The following PGAM5 variants were observed in gnomAD, a reference collection of about 807,000 sequenced individuals.
The protein encoded by PGAM5 is PGAM family member 5, mitochondrial serine/threonine protein phosphatase.
In PGAM5, 25 loss-of-function variants were observed where a neutral mutation model predicts 30.6. The ratio of observed to expected loss-of-function variants is 0.82; its 90% confidence interval spans 0.60 to 1.14. The LOEUF (loss-of-function observed/expected upper bound fraction) is 1.14. Ranked by LOEUF, PGAM5 falls within the 50% of genes most tolerant of loss-of-function variation. The pLI, the probability that PGAM5 is intolerant of heterozygous loss-of-function variation, is 0.00. For missense variants in PGAM5, 384 were observed against 408.5 expected, an observed-to-expected ratio of 0.94 and a Z score of 0.52; for synonymous variants, 201 against 179.1, an observed-to-expected ratio of 1.12 and a Z score of -0.98.
intron 5 of PGAM5, among the ~76,000 whole-genome samples, chr12:132,719,512 C>T (rs532443517): frequency 6.6e-6 from 1 of 152,178 alleles, no homozygotes; most frequent in Admixed American, 6.5e-5. Context: ...GTGAGTCGTT[C>T]GTTGCCTCCT....
At position 132,714,994 on chromosome 12, in the gene PGAM5, G is replaced by A. The variant is rs375375757; in HGVS notation, c.328G>A (p.Val110Met). The A allele has an allele frequency of 4.5e-5, 72 of 1,613,174 alleles. No homozygotes were observed. Among genetic ancestry groups the A allele is most frequent in the South Asian group, 2.2e-4 (20 of 91,084 alleles). ...CCTCATCAGGCATTCCCAGTACCAC[G>A]TGGATGGCTCCCTGGAGAAGGACCG... is the stretch of plus-strand genomic sequence containing the variant. ...IFLIRHSQYH[V>M]DGSLEKDRTL... is the part of the protein sequence containing the mutation. Residue 110 changes from valine (V) to methionine (M), a missense_variant, in exon 2 of 6, where the codon GTG becomes ATG. Val to Met is a conservative substitution (Grantham distance 21, BLOSUM62 1). Coordinates refer to ENST00000498926, the MANE Select transcript of PGAM5 (RefSeq NM_001170543.2).
chr12:132,721,100 C>G lies in PGAM5; in HGVS notation c.*272C>G, dbSNP rs1227854959. ...CCTGTTGTGGGGACTTGAAAGAGGC[C>G]TGACCCAGACCACCATGTTCGCACC... On this transcript the variant is annotated 3_prime_UTR_variant, in exon 6 of 6. Coordinates refer to ENST00000498926, the MANE Select transcript of PGAM5 (RefSeq NM_001170543.2). 1 of 315,956 alleles carries G rather than the reference C, an allele frequency of 3.2e-6. No homozygotes were observed. Among genetic ancestry groups the G allele is most frequent in the Admixed American group, 4.7e-5 (1 of 21,430 alleles). 19.6% of individuals were successfully genotyped at this position (315,956 alleles called of 1,614,324 possible). A position where few individuals can be genotyped will look rare whatever the true frequency, so the allele number is the denominator to read the frequency against.
rs61978651 is a variant in PGAM5 at position 132,717,747 on chromosome 12, C to T, written c.534C>T (p.Gly178=). 0.076 allele frequency: 120,841 copies of T among 1,583,118 alleles called. 5,048 individuals are homozygous for T. The highest frequency in any genetic ancestry group is 0.11 in the East Asian group (4,688 of 43,166). ...CKVSTDLLRE[G]APIEPDPPVS... is the part of the protein sequence containing the mutation. ...TCAGCACAGATCTGCTGCGGGAAGG[C>T]GCCCCCATCGAGCCAGACCCGCCCG... is the stretch of plus-strand genomic sequence containing the variant. The change falls in exon 4 of 6, where the codon GGC becomes GGT. Residue 178 remains glycine (G), a synonymous_variant. Coordinates refer to ENST00000498926, the MANE Select transcript of PGAM5 (RefSeq NM_001170543.2).
In PGAM5 at chr12:132,717,787, C is replaced by A. The variant is rs748552292; in HGVS notation, c.574C>A (p.Pro192Thr). ...EPDPPVSHWKPEAVQYYEDGA... is the reference protein window; with the variant it reads ...EPDPPVSHWKTEAVQYYEDGA... Reference sequence around the variant, plus strand: ...AGACCCGCCCGTGTCTCATTGGAAGCCGGAAGCTGTGGTAAAAACCTCCCC... The same window carrying A: ...AGACCCGCCCGTGTCTCATTGGAAGACGGAAGCTGTGGTAAAAACCTCCCC... The change falls in exon 4 of 6, where the codon CCG (proline) becomes ACG (threonine). Residue 192 changes from proline (P) to threonine (T), a missense_variant. Physicochemically the swap from Pro to Thr is conservative, Grantham distance 38. Transcript: ENST00000498926. 6.3e-7 allele frequency: 1 copy of A among 1,586,558 alleles called. No individual in the cohort carries two copies. The highest frequency in any genetic ancestry group is 8.6e-7 in the Non-Finnish European group (1 of 1,166,602).
chr12:132,718,645 T>G (rs2043612044), intron 5 of PGAM5: 1 of 1,073,582 alleles, frequency 9.3e-7, no homozygotes. Flanking sequence ...GGGTCCTGGG[T>G]ACGGTGCATG....
intron 5 of PGAM5, among the ~76,000 whole-genome samples, chr12:132,720,359 G>C (rs879715621): frequency 1.3e-5 from 2 of 150,962 alleles, no homozygotes; most frequent in Non-Finnish European, 2.9e-5. Flanking sequence ...CCAGGCTGGA[G>C]TGCAGTGGCG....
At chr12:132,718,380 G>C (rs148530304) in intron 5 of PGAM5, among the ~76,000 whole-genome samples, 69 of 100,262 alleles carry the variant, frequency 6.9e-4, no homozygotes, top group African/African-American at 2.6e-3. Context: ...TGGGGTGCGT[G>C]CTGGGTGGGG....
intron 2 of PGAM5, among the ~76,000 whole-genome samples, chr12:132,715,858 A>G (rs1458159083): frequency 6.6e-6 from 1 of 152,040 alleles, no homozygotes; most frequent in Non-Finnish European, 1.5e-5. Context: ...TAGCCTAGGT[A>G]ACAGAGTGAG....
At chr12:132,713,147 G>A (rs2043538569) in intron 1 of PGAM5, among the ~76,000 whole-genome samples, 1 of 152,154 alleles carries the variant, frequency 6.6e-6, no homozygotes, top group Non-Finnish European at 1.5e-5. Flanking sequence ...GTGATAGAGT[G>A]AAACTCTGTC....
chr12:132,711,859 T>C (rs1361152811), intron 1 of PGAM5, among the ~76,000 whole-genome samples: 4 of 152,190 alleles, frequency 2.6e-5, no homozygotes, highest in African/African-American at 9.7e-5. Context: ...GCATATTGAA[T>C]TAAAAGTATG....
intron 1 of PGAM5, among the ~76,000 whole-genome samples, chr12:132,711,921 T>C (rs1197233603): frequency 2.0e-5 from 3 of 152,246 alleles, no homozygotes. Context: ...ATGTATAATT[T>C]CACATGTTGC....
rs899419123 is a variant in PGAM5 at position 132,722,033 on chromosome 12, A to G, written c.*1205A>G. 31 of 151,662 alleles carry G rather than the reference A, an allele frequency of 2.0e-4. No individual in the cohort carries two copies. Among genetic ancestry groups the G allele is most frequent in the African/African-American group, 7.6e-4 (31 of 41,016 alleles). The allele number at this position is 151,662 out of a possible 1,614,324, so 9.4% of individuals were successfully genotyped here. A position where few individuals can be genotyped will look rare whatever the true frequency, so the allele number is the denominator to read the frequency against. ...GTCTTTAGGGGCCGAGGGACTAGCC[A>G]GCTGCACAGGTGACTGGATGGGGGA... On this transcript the variant is annotated 3_prime_UTR_variant, in exon 6 of 6. Coordinates refer to ENST00000498926, the MANE Select transcript of PGAM5 (RefSeq NM_001170543.2).
At chr12:132,715,063 G>C (rs766832349) in intron 2 of PGAM5, 27 bp downstream of exon 2, 2 of 1,567,712 alleles carry the variant, frequency 1.3e-6, no homozygotes, top group South Asian at 2.3e-5. Context: ...GATCCTCTGT[G>C]GACCCTCGTG....
At position 132,720,680 on chromosome 12, in the gene PGAM5, C is replaced by T. The variant is rs761592543; in HGVS notation, c.722C>T (p.Ala241Val). ...ANVIRYIVCRALQFPPEGWLR... is the reference protein window; with the variant it reads ...ANVIRYIVCRVLQFPPEGWLR... ...TCTCTCTCTCTCTCTCTCCCCAGAG[C>T]ACTGCAGTTTCCTCCTGAAGGCTGG... is the stretch of plus-strand genomic sequence containing the variant. The change falls in exon 6 of 6, where the codon GCA (alanine) becomes GTA (valine). Residue 241 changes from alanine (A) to valine (V), a missense_variant and splice_region_variant. Physicochemically the swap from Ala to Val is moderately conservative, Grantham distance 64. Coordinates refer to ENST00000498926, the MANE Select transcript of PGAM5 (RefSeq NM_001170543.2). 3.9e-6 allele frequency: 6 copies of T among 1,535,758 alleles called. No homozygotes were observed. The highest frequency in any genetic ancestry group is 1.4e-5 in the African/African-American group (1 of 73,128).
At chr12:132,716,420 G>A (rs2043578783) in intron 2 of PGAM5, among the ~76,000 whole-genome samples, 2 of 151,076 alleles carry the variant, frequency 1.3e-5, no homozygotes, top group Admixed American at 6.6e-5. Flanking sequence ...TAGTAGAGAT[G>A]GGGTTTCACC....
At chr12:132,715,490 G>T (rs557552479) in intron 2 of PGAM5, among the ~76,000 whole-genome samples, 1,995 of 148,970 alleles carry the variant, frequency 0.013, 20 homozygotes, top group Non-Finnish European at 0.021. Flanking sequence ...AGAATGGTGT[G>T]AACCCTGGAG....
chr12:132,716,030 CT>C (rs2043574378), intron 2 of PGAM5, among the ~76,000 whole-genome samples: 1 of 152,124 alleles, frequency 6.6e-6, no homozygotes, highest in African/African-American at 2.4e-5. Context: ...CCTGGACCTG[CT>C]GCCAAAGACG....
Position 132,722,040 on chromosome 12 carries a change from C to T in PGAM5, c.*1212C>T, listed in dbSNP as rs771798335. ...GGGGCCGAGGGACTAGCCAGCTGCA[C>T]AGGTGACTGGATGGGGGAGGGGCAG... is the stretch of plus-strand genomic sequence containing the variant. On this transcript the variant is annotated 3_prime_UTR_variant, in exon 6 of 6. Coordinates refer to ENST00000498926, the MANE Select transcript of PGAM5 (RefSeq NM_001170543.2). 3 of 150,854 alleles carry T rather than the reference C, an allele frequency of 2.0e-5. No individual in the cohort carries two copies. The highest frequency in any genetic ancestry group is 2.9e-5 in the Non-Finnish European group (2 of 68,014). The allele number at this position is 150,854 out of a possible 1,614,324, so 9.3% of individuals were successfully genotyped here.
Position 132,711,046 on chromosome 12 carries a change from TCTGGGACCCCAA to T in PGAM5, c.178_189del (p.Pro60_Asp63del), listed in dbSNP as rs2043517050. The stretch of plus-strand genomic sequence containing the variant: ...GGGGGCGCGCGGCCGGGCCCCGGTG[TCTGGGACCCCAA>T]CTGGGACAGGTGCGCGCGGGGCTGT... On this transcript the variant is annotated inframe_deletion, in exon 1 of 6. Coordinates refer to ENST00000498926, the MANE Select transcript of PGAM5 (RefSeq NM_001170543.2). 1.7e-6 allele frequency: 2 copies of T among 1,211,956 alleles called. No individual in the cohort carries two copies. The highest frequency in any genetic ancestry group is 4.1e-5 in the South Asian group (1 of 24,192). The allele number at this position is 1,211,956 out of a possible 1,614,324, so 75.1% of individuals were successfully genotyped here.
Sources: allele counts gnomAD v4.1 joint callset (sites outside exome capture counted in the v4.1 genomes callset), GRCh38; gene constraint gnomAD v4.1.1; transcripts MANE v1.5; gene names NCBI Gene and HGNC (gene_info 2026-07-23, HGNC 2026-07-21).